Variants in MIR2052HG observed in about 807,000 individuals in gnomAD.
The protein encoded by MIR2052HG is MIR2052 host gene.
intron 2 of MIR2052HG, among the ~76,000 whole-genome samples, chr8:74,670,941 C>G (rs1808985109): frequency 6.6e-6 from 1 of 151,350 alleles, no homozygotes; most frequent in Admixed American, 6.6e-5. Context: ...ATTTTTTTCT[C>G]TCATTTATTT....
intron 2 of MIR2052HG, among the ~76,000 whole-genome samples, chr8:74,701,478 A>T (rs1244081407): frequency 6.6e-6 from 1 of 151,934 alleles, no homozygotes; most frequent in Non-Finnish European, 1.5e-5. Context: ...TGGACATATG[A>T]CCTATGCTCA....
chr8:74,743,276 G>A (rs1156694063), intron 4 of MIR2052HG, among the ~76,000 whole-genome samples: 1 of 152,010 alleles, frequency 6.6e-6, no homozygotes, highest in Non-Finnish European at 1.5e-5. Flanking sequence ...TAAACATAAA[G>A]AAGTAGATAA....
chr8:74,747,956 A>G (rs1809903847), intron 4 of MIR2052HG, among the ~76,000 whole-genome samples: 1 of 152,186 alleles, frequency 6.6e-6, no homozygotes, highest in African/African-American at 2.4e-5. Flanking sequence ...ATATGCATAC[A>G]TTTCAAATTT....
intron 2 of MIR2052HG, among the ~76,000 whole-genome samples, chr8:74,635,063 T>A (rs568571561): frequency 4.8e-4 from 73 of 152,096 alleles, no homozygotes; most frequent in African/African-American, 1.7e-3. Context: ...TAGAGAAATT[T>A]GGGGGGTTGG....
At chr8:74,750,768 A>G (rs535400260) in intron 4 of MIR2052HG, among the ~76,000 whole-genome samples, 3 of 152,364 alleles carry the variant, frequency 2.0e-5, no homozygotes, top group African/African-American at 7.2e-5. Context: ...TTAAGTAGAT[A>G]AGGGTAACTA....
intron 2 of MIR2052HG, among the ~76,000 whole-genome samples, chr8:74,694,673 C>T (rs574402890): frequency 6.6e-6 from 1 of 152,192 alleles, no homozygotes; most frequent in African/African-American, 2.4e-5. Flanking sequence ...AAATGAAGGA[C>T]ACACTTAGAG....
At position 74,755,534 on chromosome 8, in the gene MIR2052HG, C is replaced by A. The variant is rs1042881089; in HGVS notation, n.465-2577C>A. ...TTATAGGATGGATGCAGTGACATTG[C>A]AGATTTTCTCAACATCAAACAGTTA... On this transcript the variant is annotated intron_variant and non_coding_transcript_variant, in intron 5 of 6. Transcript: ENST00000523442. Among the ~76,000 whole-genome samples the A allele has an allele frequency of 2.0e-5, 3 of 152,304 alleles. No individual in the cohort carries two copies. The East Asian group carries it at 5.8e-4, about 29-fold the overall frequency.
At chr8:74,686,151 T>C (rs1586913764) in intron 2 of MIR2052HG, among the ~76,000 whole-genome samples, 1 of 151,942 alleles carries the variant, frequency 6.6e-6, no homozygotes, top group African/African-American at 2.4e-5. Context: ...ACTGGAACTT[T>C]TTCCTGGTTC....
At chr8:74,629,129 T>A (rs929011005) in intron 2 of MIR2052HG, among the ~76,000 whole-genome samples, 1 of 152,198 alleles carries the variant, frequency 6.6e-6, no homozygotes, top group Non-Finnish European at 1.5e-5. Flanking sequence ...CCTAGCATAC[T>A]CTTTCATTAA....
At chr8:74,640,797 C>T (rs533777964) in intron 2 of MIR2052HG, among the ~76,000 whole-genome samples, 1 of 152,172 alleles carries the variant, frequency 6.6e-6, no homozygotes, top group African/African-American at 2.4e-5. Context: ...ACTTGAAACC[C>T]TTTGCCCCTA....
chr8:74,667,230 C>T (rs1863359), intron 2 of MIR2052HG, among the ~76,000 whole-genome samples: 16,465 of 152,092 alleles, frequency 0.11, 2,070 homozygotes, highest in African/African-American at 0.31. Flanking sequence ...TATCTGAGGC[C>T]ATCTTTGGAG....
intron 2 of MIR2052HG, among the ~76,000 whole-genome samples, chr8:74,654,179 G>C (rs968851608): frequency 3.3e-5 from 5 of 152,032 alleles, no homozygotes; most frequent in Non-Finnish European, 7.4e-5. Flanking sequence ...TTCAGTTAGA[G>C]GAGTTTCAAG....
Position 74,622,405 on chromosome 8 carries a change from A to C in MIR2052HG, n.216+9465A>C, listed in dbSNP as rs770275714. Among the ~76,000 whole-genome samples the C allele has an allele frequency of 2.0e-4, 30 of 152,332 alleles. 1 individual carries two copies. The highest frequency in any genetic ancestry group is 1.2e-3 in the South Asian group (6 of 4,828). On this transcript the variant is annotated intron_variant and non_coding_transcript_variant, in intron 2 of 6. Transcript: ENST00000523442. ...GATAGCTTGAGCTCAGGAGTTCCAG[A>C]CCAGCCTGGCCAACATGGCAAAACC...
At chr8:74,637,227 A>T (rs1808592872) in intron 2 of MIR2052HG, among the ~76,000 whole-genome samples, 1 of 152,168 alleles carries the variant, frequency 6.6e-6, no homozygotes, top group Non-Finnish European at 1.5e-5. Context: ...GAAGGACTAC[A>T]TGTCAGAATC....
intron 2 of MIR2052HG, among the ~76,000 whole-genome samples, chr8:74,701,531 GGGTGGCACCAAT>G (rs1809358064): frequency 6.6e-6 from 1 of 151,940 alleles, no homozygotes; most frequent in South Asian, 2.1e-4. Context: ...TGTTTAGTTG[GGGTGGCACCAAT>G]GGTGGCATCC....
Position 74,657,770 on chromosome 8 carries a change from C to T in MIR2052HG, n.217-44609C>T, listed in dbSNP as rs181938904. 1.8e-3 allele frequency among the ~76,000 whole-genome samples: 268 copies of T among 152,274 alleles called. 1 individual carries two copies. The highest frequency in any genetic ancestry group is 3.4e-3 in the Admixed American group (52 of 15,296). ...TATCATGAGAACAGCAAGAGAAAGA[C>T]TTGCCCCCATGATTCAATTACTTCC... On this transcript the variant is annotated intron_variant and non_coding_transcript_variant, in intron 2 of 6. Transcript: ENST00000523442.
chr8:74,639,505 T>G (rs74354703), intron 2 of MIR2052HG, among the ~76,000 whole-genome samples: 1 of 152,142 alleles, frequency 6.6e-6, no homozygotes, highest in Non-Finnish European at 1.5e-5. Flanking sequence ...GCACAACTGG[T>G]CACATAGAGT....
intron 5 of MIR2052HG, among the ~76,000 whole-genome samples, chr8:74,754,909 T>C (rs1208297294): frequency 6.6e-6 from 1 of 152,238 alleles, no homozygotes; most frequent in Non-Finnish European, 1.5e-5. Flanking sequence ...GATCTGTCAA[T>C]TTTAACAACC....
chr8:74,640,472 A>G lies in MIR2052HG; in HGVS notation n.216+27532A>G, dbSNP rs1385435364. On this transcript the variant is annotated intron_variant and non_coding_transcript_variant, in intron 2 of 6. Transcript: ENST00000523442. ...GACAGGGCAAGACTCCGTCTCAAAA[A>G]AAAAAAAAAAAAAAAAAGAGTGGGC... 2.0e-5 allele frequency among the ~76,000 whole-genome samples: 3 copies of G among 150,970 alleles called. No individual in the cohort carries two copies. The East Asian group carries it at 5.8e-4, about 29-fold the overall frequency.
Sources: allele counts gnomAD v4.1 joint callset (sites outside exome capture counted in the v4.1 genomes callset), GRCh38; gene constraint gnomAD v4.1.1; transcripts MANE v1.5; gene names NCBI Gene and HGNC (gene_info 2026-07-23, HGNC 2026-07-21).